Variants in TSC2 observed in about 807,000 individuals in gnomAD.
TSC2 encodes the protein TSC complex subunit 2, also known as tuberin.
In TSC2, 29 loss-of-function variants were observed where a neutral mutation model predicts 202.2. That is an observed-to-expected ratio of 0.14 (90% CI 0.11 to 0.20). The LOEUF is 0.20. Among genes scored for constraint, TSC2 ranks in the 10% least tolerant of loss-of-function variants. The probability of loss-of-function intolerance (pLI) is 1.00; values close to 1 mark genes in which losing one functional copy is unlikely to be tolerated. For synonymous variants in TSC2, 1,349 were observed against 1,044.0 expected (o/e 1.29, Z -5.63); for missense variants, 2,429 against 2,420.0 (o/e 1.00, Z -0.08).
chr16:2,084,472 G>A lies in TSC2; in HGVS notation c.4250G>A (p.Arg1417Gln), dbSNP rs1343536158. Residue 1417 changes from arginine to glutamine, a missense_variant, in exon 34 of 42, where the codon CGG (arginine) becomes CAG (glutamine). Transcript: ENST00000219476. ...VGRLSPEVKA[R>Q]SQSGTLDGES... ...CGGCTGAGCCCTGAGGTTAAGGCCC[G>A]GTCACAGTCAGGGACCCTGGACGGG... The A allele has an allele frequency of 6.2e-6, 10 of 1,609,002 alleles. No homozygotes were observed. The highest frequency in any genetic ancestry group is 1.7e-5 in the Admixed American group (1 of 59,578).
rs1238385956 is a variant in TSC2 at position 2,079,752 on chromosome 16, A to T, written c.3397+83A>T. The T allele has an allele frequency of 7.1e-7, 1 of 1,413,074 alleles. No individual in the cohort carries two copies. Among genetic ancestry groups the T allele is most frequent in the Non-Finnish European group, 9.6e-7 (1 of 1,046,798 alleles). The allele number at this position is 1,413,074 out of a possible 1,614,324, so 87.5% of individuals were successfully genotyped here. A position where few individuals can be genotyped will look rare whatever the true frequency, so the allele number is the denominator to read the frequency against. On this transcript the variant is annotated intron_variant, in intron 29 of 41. Coordinates refer to ENST00000219476, the MANE Select transcript of TSC2 (RefSeq NM_000548.5). The surrounding 1 kb of genome is among the most constrained non-coding windows in gnomAD (Gnocchi z 4.6). Reference sequence around the variant, plus strand: ...GGTCCCAGTGTTCAGGAAGGCCCCGAGCCCAGGGGCCGGGGTGGCTGGCTT... The same window carrying T: ...GGTCCCAGTGTTCAGGAAGGCCCCGTGCCCAGGGGCCGGGGTGGCTGGCTT...
Position 2,084,452 on chromosome 16 carries a change from G to A in TSC2, c.4230G>A (p.Leu1410=), listed in dbSNP as rs1193907816. 2 of 1,609,350 alleles carry A rather than the reference G, an allele frequency of 1.2e-6. No individual in the cohort carries two copies. The highest frequency in any genetic ancestry group is 2.2e-5 in the East Asian group (1 of 44,676). ...GGGACAAGGCCGACGTGGGCCGGCTGAGCCCTGAGGTTAAGGCCCGGTCAC... is the reference window on the plus strand; with the variant it reads ...GGGACAAGGCCGACGTGGGCCGGCTAAGCCCTGAGGTTAAGGCCCGGTCAC... ...DPGDKADVGR[L]SPEVKARSQS... The change falls in exon 34 of 42, where the codon CTG becomes CTA. Residue 1410 remains leucine, a synonymous_variant. Transcript: ENST00000219476.
intron 1 of TSC2, among the ~76,000 whole-genome samples, 152 bp from the exon 2 acceptor site, chr16:2,048,435 G>A (rs959018164): frequency 6.6e-6 from 1 of 152,206 alleles, no homozygotes; most frequent in Non-Finnish European, 1.5e-5. Flanking sequence ...TTGCGAGCTG[G>A]TCAGCTGGGC....
Position 2,086,808 on chromosome 16 carries a change from C to T in TSC2, c.4926C>T (p.Gly1642=), listed in dbSNP as rs1412821205. Residue 1642 remains glycine (G), a synonymous_variant, in exon 38 of 42, where the codon GGC becomes GGT. Coordinates refer to ENST00000219476, the MANE Select transcript of TSC2 (RefSeq NM_000548.5). ...GCTGCGACAAGAAGCGCCACCTGGG[C>T]AACGACTTTGTGTCCATTGTCTACA... ...KHRCDKKRHL[G]NDFVSIVYND... is the part of the protein sequence containing the mutation. The T allele has an allele frequency of 6.2e-7, 1 of 1,610,830 alleles. No homozygotes were observed. Among genetic ancestry groups the T allele is most frequent in the Non-Finnish European group, 8.5e-7 (1 of 1,179,412 alleles).
chr16:2,089,287 C>G lies in TSC2; in HGVS notation c.*677C>G, dbSNP rs547863566. On this transcript the variant is annotated 3_prime_UTR_variant, in exon 42 of 42. Transcript: ENST00000219476. ...TTTAACACCATATAAATTACTGACA[C>G]GAGACACACAGTGAGACGGTGCAGG... The G allele has an allele frequency of 5.4e-4, 116 of 216,460 alleles. No homozygotes were observed. Among genetic ancestry groups the G allele is most frequent in the African/African-American group, 2.4e-3 (105 of 43,596 alleles). 13.4% of individuals were successfully genotyped at this position (216,460 alleles called of 1,614,324 possible). A position where few individuals can be genotyped will look rare whatever the true frequency, so the allele number is the denominator to read the frequency against.
In TSC2 at chr16:2,079,680, G is replaced by A. The variant is rs1596386676; in HGVS notation, c.3397+11G>A. The A allele has an allele frequency of 6.4e-6, 10 of 1,572,240 alleles. No homozygotes were observed. In the East Asian group the frequency reaches 2.3e-4, roughly 37 times the overall value. On this transcript the variant is annotated intron_variant, in intron 29 of 41. Coordinates refer to ENST00000219476, the MANE Select transcript of TSC2 (RefSeq NM_000548.5). This position sits in a 1 kb window ranked among gnomAD's most constrained non-coding sequence, Gnocchi z 4.6. ...TCCGTTCCATGTCGGGTGAGCCTTG[G>A]CCCCAGCCACCTCCACACAGGCACC...
At position 2,084,520 on chromosome 16, in the gene TSC2, C is replaced by T. The variant is rs45517335; in HGVS notation, c.4298C>T (p.Ser1433Leu). ...LDGESAAWSA[S>L]GEDSRGQPEG... is the part of the protein sequence containing the mutation. ...GGGGAAAGTGCTGCCTGGTCGGCCT[C>T]GGGCGAAGACAGTCGGGGCCAGCCC... The change falls in exon 34 of 42, where the codon TCG becomes TTG. Residue 1433 changes from serine to leucine, a missense_variant. Ser to Leu is a moderately radical substitution (Grantham distance 145). Coordinates refer to ENST00000219476, the MANE Select transcript of TSC2 (RefSeq NM_000548.5). 77 of 1,609,134 alleles carry T rather than the reference C, an allele frequency of 4.8e-5. No individual in the cohort carries two copies. Among genetic ancestry groups the T allele is most frequent in the Middle Eastern group, 1.6e-4 (1 of 6,076 alleles).
rs772558666 is a variant in TSC2 at position 2,056,665 on chromosome 16, G to A, written c.670G>A (p.Ala224Thr). 5.6e-6 allele frequency: 9 copies of A among 1,611,754 alleles called. No homozygotes were observed. Among genetic ancestry groups the A allele is most frequent in the Admixed American group, 3.3e-5 (2 of 60,028 alleles). ...DIEVSLQVLD[A>T]VVCYNCLPAE... ...CCAGGTCTCCCTGCAGGTGCTGGACGCCGTGGTCTGCTACAACTGCCTGCC... is the reference window on the plus strand; with the variant it reads ...CCAGGTCTCCCTGCAGGTGCTGGACACCGTGGTCTGCTACAACTGCCTGCC... The change falls in exon 8 of 42, where the codon GCC becomes ACC. Residue 224 changes from alanine (A) to threonine (T), a missense_variant. Coordinates refer to ENST00000219476, the MANE Select transcript of TSC2 (RefSeq NM_000548.5).
Position 2,082,339 on chromosome 16 carries a change from CCTCT to C in TSC2, c.3815-93_3815-90del, listed in dbSNP as rs1442494095. ...CGCCCCTGCCGGCCGCTGGCCCTGC[CCTCT>C]CTCCTCTGCAGGCACGGGGCCTGTG... On this transcript the variant is annotated intron_variant, in intron 31 of 41. Transcript: ENST00000219476. The C allele has an allele frequency of 2.8e-6, 4 of 1,439,436 alleles. No individual in the cohort carries two copies. In the South Asian group the frequency reaches 4.6e-5, roughly 16 times the overall value. 89.2% of individuals were successfully genotyped at this position (1,439,436 alleles called of 1,614,324 possible). A position where few individuals can be genotyped will look rare whatever the true frequency, so the allele number is the denominator to read the frequency against.
At position 2,084,263 on chromosome 16, in the gene TSC2, C is replaced by G; in HGVS notation, c.4041C>G (p.Leu1347=). The G allele has an allele frequency of 1.2e-6, 2 of 1,607,580 alleles. No homozygotes were observed. Among genetic ancestry groups the G allele is most frequent in the Non-Finnish European group, 8.5e-7 (1 of 1,177,440 alleles). The change falls in exon 34 of 42, where the codon CTC becomes CTG. Residue 1347 remains leucine (L), a synonymous_variant. Coordinates refer to ENST00000219476, the MANE Select transcript of TSC2 (RefSeq NM_000548.5). ...TCTCCAGCCAGGAGGAGAAGTCGCT[C>G]CACGCGGAGGAGCTGGTTGGCAGGG... is the stretch of plus-strand genomic sequence containing the variant. ...SSVSSQEEKS[L]HAEELVGRGI...
intron 14 of TSC2, 178 bp downstream of exon 14, chr16:2,063,231 C>T (rs1273537004): frequency 2.4e-5 from 18 of 757,570 alleles, no homozygotes. Flanking sequence ...CTTGCTCGTC[C>T]TGGGTGCCTC....
chr16:2,060,846 G>A (rs762604916), intron 11 of TSC2, 33 bp downstream of exon 11: 119 of 1,610,342 alleles, frequency 7.4e-5, no homozygotes, highest in Admixed American at 1.7e-4. Context: ...GGGGAGCACC[G>A]GGAACCCAGA....
At chr16:2,063,732 C>G (rs2086922799) in intron 14 of TSC2, 1 of 235,850 alleles carries the variant, frequency 4.2e-6, no homozygotes, top group Non-Finnish European at 8.4e-6. Flanking sequence ...CTAAGGGCCT[C>G]CTGGAAGTTC....
chr16:2,074,594 G>A (rs2088995526), intron 22 of TSC2: 1 of 648,714 alleles, frequency 1.5e-6, no homozygotes, highest in East Asian at 2.8e-5. Flanking sequence ...CCCCTCTAGT[G>A]TCCATGTGAA....
At chr16:2,061,099 C>A in intron 11 of TSC2, 1 of 470,628 alleles carries the variant, frequency 2.1e-6, no homozygotes, top group Non-Finnish European at 3.9e-6. Flanking sequence ...AGGCCGCCTT[C>A]GTGGCCTGAG....
In TSC2 at chr16:2,048,007, C is replaced by G. The variant is rs1011542344; in HGVS notation, c.-88C>G. On this transcript the variant is annotated 5_prime_UTR_variant, in exon 1 of 42. Coordinates refer to ENST00000219476, the MANE Select transcript of TSC2 (RefSeq NM_000548.5). ...CGCGCTTCCGGCGGCGTCCCGGGGC[C>G]AGGGGGGTGCGCCTTTCTCCGCGTC... is the stretch of plus-strand genomic sequence containing the variant. The G allele has an allele frequency of 1.3e-6, 2 of 1,486,090 alleles. No homozygotes were observed. The highest frequency in any genetic ancestry group is 1.4e-5 in the African/African-American group (1 of 69,880). 92.1% of individuals were successfully genotyped at this position (1,486,090 alleles called of 1,614,324 possible). A position where few individuals can be genotyped will look rare whatever the true frequency, so the allele number is the denominator to read the frequency against.
At chr16:2,056,002 A>C (rs2151068423) in intron 6 of TSC2, 194 bp from the exon 7 acceptor site, 1 of 685,372 alleles carries the variant, frequency 1.5e-6, no homozygotes, top group Middle Eastern at 2.6e-4. Flanking sequence ...GCTCTGTCTC[A>C]CTCATGCTGA....
chr16:2,080,398 G>A (rs1474863263), intron 30 of TSC2, 21 bp downstream of exon 30: 2 of 1,607,548 alleles, frequency 1.2e-6, no homozygotes, highest in Non-Finnish European at 8.5e-7. Context: ...GGGCTGGCCT[G>A]AGCGCCATCT....
chr16:2,069,493 T>G (rs2087900007), intron 16 of TSC2, among the ~76,000 whole-genome samples: 1 of 149,820 alleles, frequency 6.7e-6, no homozygotes. Flanking sequence ...AATTTTTTTT[T>G]TTTTTTGAGA....
Sources: allele counts gnomAD v4.1 joint callset (sites outside exome capture counted in the v4.1 genomes callset), GRCh38; gene constraint gnomAD v4.1.1; non-coding constraint Gnocchi (gnomAD v3.1); transcripts MANE v1.5; gene names NCBI Gene and HGNC (gene_info 2026-07-23, HGNC 2026-07-21).